The following WDTC1 variants were observed in gnomAD, a reference collection of about 807,000 sequenced individuals.
WDTC1 encodes the protein WD and tetratricopeptide repeats 1.
In WDTC1, 12 loss-of-function variants were observed where a neutral mutation model predicts 76.0. The ratio of observed to expected loss-of-function variants is 0.16; its 90% CI spans 0.10 to 0.26. The LOEUF (loss-of-function observed/expected upper bound fraction) is 0.26. Ranked by LOEUF, WDTC1 falls within the 10% of genes least tolerant of loss-of-function variation. The pLI, the probability that WDTC1 is intolerant of heterozygous loss-of-function variation, is 1.00. For synonymous variants in WDTC1, 326 were observed against 350.8 expected (o/e 0.93, Z 0.79); for missense variants, 511 against 908.8 (o/e 0.56, Z 5.63).
intron 1 of WDTC1, among the ~76,000 whole-genome samples, chr1:27,236,977 G>A (rs901134868): frequency 2.6e-4 from 39 of 152,122 alleles, no homozygotes; most frequent in African/African-American, 8.4e-4. Context: ...AGCTGGGATT[G>A]CAGGTGCCTG....
In WDTC1 at chr1:27,300,919, T is replaced by G. The variant is rs566885733; in HGVS notation, c.1233-307T>G. Among the ~76,000 whole-genome samples, 4 of 152,326 alleles carry G rather than the reference T, an allele frequency of 2.6e-5. No homozygotes were observed. In the East Asian group the frequency reaches 5.8e-4, roughly 22 times the overall value. On this transcript the variant is annotated intron_variant, in intron 12 of 15. Transcript: ENST00000319394. ...GTGGGCAAGATGCCAGGCCTTCTGC[T>G]GCAGAGCTGCGGGTGCCTGGGGTGA... is the stretch of plus-strand genomic sequence containing the variant.
At chr1:27,241,557 A>G (rs2011631306) in intron 1 of WDTC1, among the ~76,000 whole-genome samples, 1 of 152,120 alleles carries the variant, frequency 6.6e-6, no homozygotes, top group South Asian at 2.1e-4. Flanking sequence ...AAACATTTCT[A>G]ACTTGAATGG....
rs530665918 is a variant in WDTC1, at chr1:27,304,995, C to G, written c.1644-6C>G. The G allele has an allele frequency of 2.2e-5, 36 of 1,609,002 alleles. No individual in the cohort carries two copies. The East Asian group carries it at 4.0e-4, about 18-fold the overall frequency. ...CTGACCTCCCTGCCCTTTGCCCCCCCGCCAGCAACGCTCAGTATATCGTCA... is the reference window on the plus strand; with the variant it reads ...CTGACCTCCCTGCCCTTTGCCCCCCGGCCAGCAACGCTCAGTATATCGTCA... On this transcript the variant is annotated splice_polypyrimidine_tract_variant and splice_region_variant and intron_variant, in intron 14 of 15. Transcript: ENST00000319394.
intron 1 of WDTC1, among the ~76,000 whole-genome samples, chr1:27,252,985 T>C (rs1009247616): frequency 4.0e-5 from 6 of 150,570 alleles, no homozygotes; most frequent in Non-Finnish European, 4.4e-5. Context: ...GTTTAACTTA[T>C]TAATTCATGT....
chr1:27,300,170 G>T (rs781351428), intron 12 of WDTC1, among the ~76,000 whole-genome samples: 2 of 152,204 alleles, frequency 1.3e-5, no homozygotes, highest in Non-Finnish European at 2.9e-5. Context: ...CCCTCTGAGT[G>T]CTGCAGAAGG....
In WDTC1 at chr1:27,305,916, T is replaced by C. The variant is rs1053222715; in HGVS notation, c.1837-270T>C. Among the ~76,000 whole-genome samples, 4 of 152,082 alleles carry C rather than the reference T, an allele frequency of 2.6e-5. No homozygotes were observed. The highest frequency in any genetic ancestry group is 9.7e-5 in the African/African-American group (4 of 41,388). On this transcript the variant is annotated intron_variant, in intron 15 of 15. Coordinates refer to ENST00000319394, the MANE Select transcript of WDTC1 (RefSeq NM_001276252.2). This position sits in a 1 kb window ranked among gnomAD's most constrained non-coding sequence, Gnocchi z 4.6. ...TGTGTGTCCAACATATCCTGGTGTG[T>C]ACTGTCCCCCACGTATATCCCAGCA...
At chr1:27,294,721 G>A (rs1335836062) in intron 9 of WDTC1, 92 bp downstream of exon 9, 6 of 1,058,634 alleles carry the variant, frequency 5.7e-6, no homozygotes, top group Non-Finnish European at 8.5e-6. Context: ...AGGCAGACAA[G>A]ACACAACAGC....
chr1:27,297,980 G>C lies in WDTC1; in HGVS notation c.1101G>C (p.Gln367His). The C allele has an allele frequency of 1.2e-6, 2 of 1,613,882 alleles. No individual in the cohort carries two copies. The highest frequency in any genetic ancestry group is 8.5e-7 in the Non-Finnish European group (1 of 1,179,854). The stretch of plus-strand genomic sequence containing the variant: ...CACCATACCTGGAGCGTGTGAAACA[G>C]CAAGCCAATGAGGCTTTTGCCTGCC... ...ELPPYLERVK[Q>H]QANEAFACQQ... The change falls in exon 12 of 16, where the codon CAG (glutamine) becomes CAC (histidine). Residue 367 changes from glutamine (Q) to histidine (H), a missense_variant. Coordinates refer to ENST00000319394, the MANE Select transcript of WDTC1 (RefSeq NM_001276252.2).
rs1011965667 is a variant in WDTC1, at chr1:27,271,043, G to A, written c.132+7808G>A. Among the ~76,000 whole-genome samples the A allele has an allele frequency of 2.0e-5, 3 of 152,208 alleles. No homozygotes were observed. In the South Asian group the frequency reaches 6.2e-4, roughly 32 times the overall value. The stretch of plus-strand genomic sequence containing the variant: ...TTGCCAATTTTGGTGTAACAAAGGA[G>A]GGAGAATAAGAATTGATATATGCAC... On this transcript the variant is annotated intron_variant, in intron 3 of 15. Transcript: ENST00000319394.
chr1:27,272,372 G>A (rs930387786), intron 3 of WDTC1, among the ~76,000 whole-genome samples: 8 of 152,160 alleles, frequency 5.3e-5, no homozygotes, highest in African/African-American at 1.9e-4. Flanking sequence ...GCTGGGATGA[G>A]GCGTGAGCCA....
In WDTC1 at chr1:27,234,889, C is replaced by T. The variant is rs1330869460; in HGVS notation, c.-162C>T. ...CCCCTTCCCGGGAGAGGGGCCGCCC[C>T]CCCCGGACGGACATGGGCTCCTGAA... On this transcript the variant is annotated 5_prime_UTR_variant, in exon 1 of 16. Transcript: ENST00000319394. The T allele has an allele frequency of 2.8e-5, 11 of 395,788 alleles. No homozygotes were observed. The highest frequency in any genetic ancestry group is 4.4e-5 in the Admixed American group (1 of 22,602). 24.5% of individuals were successfully genotyped at this position (395,788 alleles called of 1,614,324 possible). A position where few individuals can be genotyped will look rare whatever the true frequency, so the allele number is the denominator to read the frequency against.
At chr1:27,234,501 C>T (rs974055449), upstream of WDTC1, 5 of 341,338 alleles carry the variant, frequency 1.5e-5, no homozygotes, top group Non-Finnish European at 2.6e-5. Flanking sequence ...AGACGTTGAC[C>T]GGGCGCGGGG....
chr1:27,244,390 G>T (rs910340666), intron 1 of WDTC1, among the ~76,000 whole-genome samples: 1 of 152,060 alleles, frequency 6.6e-6, no homozygotes, highest in African/African-American at 2.4e-5. Context: ...GAGTGCAGAG[G>T]CACAATCATA....
Position 27,274,547 on chromosome 1 carries a change from A to G in WDTC1, c.133-7692A>G, listed in dbSNP as rs1198525767. On this transcript the variant is annotated intron_variant, in intron 3 of 15. Transcript: ENST00000319394. The surrounding 1 kb of genome is among the most constrained non-coding windows in gnomAD (Gnocchi z 4.2). ...GAGCCAGAAGGGAGGTTGAGATTAA[A>G]CAATTTAAATTTAAATTAATGAGGA... Among the ~76,000 whole-genome samples, 1 of 152,206 alleles carries G rather than the reference A, an allele frequency of 6.6e-6. No individual in the cohort carries two copies. The highest frequency in any genetic ancestry group is 1.5e-5 in the Non-Finnish European group (1 of 68,034).
intron 3 of WDTC1, among the ~76,000 whole-genome samples, chr1:27,264,995 G>A (rs2012614475): frequency 6.6e-6 from 1 of 151,650 alleles, no homozygotes; most frequent in South Asian, 2.1e-4. Context: ...GTAGAGACAG[G>A]GTTTCACCAT....
intron 4 of WDTC1, among the ~76,000 whole-genome samples, chr1:27,282,829 A>G (rs966517874): frequency 3.3e-5 from 5 of 151,214 alleles, no homozygotes; most frequent in Non-Finnish European, 7.4e-5. Flanking sequence ...TTAATAAGCC[A>G]ATGTGTTTAA....
chr1:27,259,887 A>G (rs2012419816), intron 1 of WDTC1, among the ~76,000 whole-genome samples: 1 of 151,664 alleles, frequency 6.6e-6, no homozygotes, highest in Admixed American at 6.6e-5. Context: ...AAAAGAAAAA[A>G]TTAGCTGGGA....
At chr1:27,302,871 T>C (rs1570990002) in intron 13 of WDTC1, among the ~76,000 whole-genome samples, 1 of 152,348 alleles carries the variant, frequency 6.6e-6, no homozygotes, top group East Asian at 1.9e-4. Context: ...TGTGTGACTT[T>C]ACCTGTCACT....
At chr1:27,273,885 G>C (rs2012947338) in intron 3 of WDTC1, among the ~76,000 whole-genome samples, 4 of 151,798 alleles carry the variant, frequency 2.6e-5, no homozygotes, top group African/African-American at 9.7e-5. Flanking sequence ...GAGGGAAAAA[G>C]ATTATTTAAT....
Sources: allele counts gnomAD v4.1 joint callset (sites outside exome capture counted in the v4.1 genomes callset), GRCh38; gene constraint gnomAD v4.1.1; non-coding constraint Gnocchi (gnomAD v3.1); transcripts MANE v1.5; gene names NCBI Gene and HGNC (gene_info 2026-07-23, HGNC 2026-07-21).